The following KLHL10 variants were observed in gnomAD, a reference collection of about 807,000 sequenced individuals.
The protein encoded by KLHL10 is kelch-like protein 10.
A neutral mutation model predicts 46.6 loss-of-function variants in KLHL10; 11 were observed. The observed-to-expected ratio is 0.24, with a 90% CI of 0.15 to 0.39. KLHL10 has a LOEUF of 0.39. KLHL10 is among the 10% of genes least tolerant of loss of function. KLHL10 has a pLI of 1.00. For missense variants in KLHL10, 475 were observed against 789.8 expected, an observed-to-expected ratio of 0.60 and a Z score of 4.78; for synonymous variants, 254 against 279.1, an observed-to-expected ratio of 0.91 and a Z score of 0.90.
Position 41,838,139 on chromosome 17 carries a change from TG to T in KLHL10, c.194+14del. On this transcript the variant is annotated intron_variant, in intron 1 of 4. Transcript: ENST00000293303. Reference sequence around the variant, plus strand: ...GTTCCTACTTTAGGTATAACAGGGTTGCCAAATTCAGCCAAAGGGGTAATTG... The same window carrying T: ...GTTCCTACTTTAGGTATAACAGGGTTCCAAATTCAGCCAAAGGGGTAATTG... The T allele has an allele frequency of 6.2e-7, 1 of 1,611,902 alleles. No homozygotes were observed. Among genetic ancestry groups the T allele is most frequent in the Non-Finnish European group, 8.5e-7 (1 of 1,177,990 alleles).
upstream of KLHL10, chr17:41,836,215 G>T (rs1402632392): frequency 8.1e-7 from 1 of 1,240,988 alleles, no homozygotes; most frequent in Admixed American, 4.2e-5. Flanking sequence ...CCTGGTCGGC[G>T]GCTCGCGGGA....
upstream of KLHL10, chr17:41,835,877 G>A (rs1156254686): frequency 4.4e-6 from 7 of 1,608,918 alleles, no homozygotes; most frequent in Non-Finnish European, 5.9e-6. Flanking sequence ...GGTCTCCGCC[G>A]CCCTTGCGGA....
At chr17:41,844,642 T>C (rs1456809800) in intron 2 of KLHL10, among the ~76,000 whole-genome samples, 2 of 146,582 alleles carry the variant, frequency 1.4e-5, no homozygotes, top group Middle Eastern at 3.6e-3. Flanking sequence ...TCTGCCTCCC[T>C]GGCTCAAGCG....
upstream of KLHL10, chr17:41,835,759 T>G: frequency 8.3e-7 from 1 of 1,211,922 alleles, no homozygotes; most frequent in East Asian, 2.5e-5. Context: ...GGCAGAGAGC[T>G]AGGAGGGGTC....
chr17:41,845,521 C>T lies in KLHL10; in HGVS notation c.1080C>T (p.Asp360=), dbSNP rs2048275290. 1.9e-6 allele frequency: 3 copies of T among 1,614,206 alleles called. No homozygotes were observed. The highest frequency in any genetic ancestry group is 2.5e-6 in the Non-Finnish European group (3 of 1,180,032). Reference sequence around the variant, plus strand: ...ATTTCAATAGTGTTAAGCGTTTTGACCCAGTCAAGAAAACTTGGCATCAGG... The same window carrying T: ...ATTTCAATAGTGTTAAGCGTTTTGATCCAGTCAAGAAAACTTGGCATCAGG... ...VDYFNSVKRF[D]PVKKTWHQVA... Residue 360 remains aspartate, a synonymous_variant, in exon 3 of 5, where the codon GAC becomes GAT. Coordinates refer to ENST00000293303, the MANE Select transcript of KLHL10 (RefSeq NM_152467.5).
At position 41,838,150 on chromosome 17, in the gene KLHL10, G is replaced by A. The variant is rs782194558; in HGVS notation, c.194+24G>A. The A allele has an allele frequency of 2.9e-5, 46 of 1,587,776 alleles. No individual in the cohort carries two copies. In the South Asian group the frequency reaches 4.5e-4, roughly 16 times the overall value. The stretch of plus-strand genomic sequence containing the variant: ...AGGTATAACAGGGTTGCCAAATTCA[G>A]CCAAAGGGGTAATTGGGCTCATTTT... On this transcript the variant is annotated intron_variant, in intron 1 of 4. Coordinates refer to ENST00000293303, the MANE Select transcript of KLHL10 (RefSeq NM_152467.5).
upstream of KLHL10, chr17:41,835,890 G>A (rs782291798): frequency 6.2e-6 from 10 of 1,609,172 alleles, no homozygotes; most frequent in South Asian, 5.5e-5. Flanking sequence ...CTTGCGGAGG[G>A]CGCCCACGAT....
At chr17:41,838,808 CCT>C (rs1294037261) in intron 1 of KLHL10, among the ~76,000 whole-genome samples, 1 of 151,736 alleles carries the variant, frequency 6.6e-6, no homozygotes, top group African/African-American at 2.4e-5. Context: ...CCCACCTCAG[CCT>C]CTCAAGTAGC....
intron 1 of KLHL10, among the ~76,000 whole-genome samples, chr17:41,839,905 G>A (rs957151883): frequency 3.3e-5 from 5 of 149,264 alleles, no homozygotes; most frequent in Non-Finnish European, 7.4e-5. Context: ...TTGAAATGGA[G>A]TTTTGTTCTT....
intron 3 of KLHL10, among the ~76,000 whole-genome samples, chr17:41,846,051 A>T (rs560642856): frequency 5.3e-5 from 8 of 151,860 alleles, no homozygotes; most frequent in African/African-American, 9.7e-5. Flanking sequence ...CTCTACTAAA[A>T]ATACAAAAAA....
In KLHL10 at chr17:41,842,270, C is replaced by T. The variant is rs782186513; in HGVS notation, c.642C>T (p.Asp214=). ...CCATTTTAAAGTGGATTTCTCATGA[C>T]CCCCAAAATAGAAAGCAGCACATTT... The part of the protein sequence containing the change: ...FEAILKWISH[D]PQNRKQHISI... The change falls in exon 2 of 5, where the codon GAC becomes GAT. Residue 214 remains aspartate (D), a synonymous_variant. Transcript: ENST00000293303. 3 of 1,614,042 alleles carry T rather than the reference C, an allele frequency of 1.9e-6. No homozygotes were observed. Among genetic ancestry groups the T allele is most frequent in the Admixed American group, 1.7e-5 (1 of 59,996 alleles).
rs200952142 is a variant in KLHL10 at position 41,848,233 on chromosome 17, C to T, written c.1753C>T (p.Arg585Trp). Reference sequence around the variant, plus strand: ...CAATGTTGAGGAATATGCAGCTAGACGGGACAACTTCCCAGGATTAGCACT... The same window carrying T: ...CAATGTTGAGGAATATGCAGCTAGATGGGACAACTTCCCAGGATTAGCACT... ...LANVEEYAAR[R>W]DNFPGLALRD... The change falls in exon 5 of 5, where the codon CGG (arginine) becomes TGG (tryptophan). Residue 585 changes from arginine to tryptophan, a missense_variant. Coordinates refer to ENST00000293303, the MANE Select transcript of KLHL10 (RefSeq NM_152467.5). 8 of 1,613,964 alleles carry T rather than the reference C, an allele frequency of 5.0e-6. No individual in the cohort carries two copies. The highest frequency in any genetic ancestry group is 2.2e-5 in the East Asian group (1 of 44,882).
chr17:41,844,542 A>ATTTTTTTTTT (rs369578859), intron 2 of KLHL10, among the ~76,000 whole-genome samples: 1 of 115,348 alleles, frequency 8.7e-6, no homozygotes, highest in African/African-American at 3.5e-5. Context: ...TGGTTTTTGT[A>ATTTTTTTTTT]TTTTTTTTTT....
rs71373458 is a variant in KLHL10, at chr17:41,841,793, C to T, written c.195-30C>T. The T allele has an allele frequency of 8.6e-3, 13,840 of 1,613,944 alleles. 1,052 individuals carry two copies. In the African/African-American group the frequency reaches 0.16, roughly 19 times the overall value. On this transcript the variant is annotated intron_variant, in intron 1 of 4. Coordinates refer to ENST00000293303, the MANE Select transcript of KLHL10 (RefSeq NM_152467.5). ...TCACCTAACAGGAGAGAAATGTTTC[C>T]GTGGCTGCTAGTTTCTTTCTTTTTT...
chr17:41,843,496 T>C (rs1555620928), intron 2 of KLHL10, among the ~76,000 whole-genome samples: 1 of 148,322 alleles, frequency 6.7e-6, no homozygotes, highest in Admixed American at 6.7e-5. Context: ...AGAGAGAGAC[T>C]TGGTCTCAAA....
chr17:41,836,412 G>A (rs138297497), upstream of KLHL10: 130 of 1,223,688 alleles, frequency 1.1e-4, no homozygotes, highest in East Asian at 1.7e-3. Context: ...TTATTATGAA[G>A]AGCAGGGTGA....
upstream of KLHL10, chr17:41,835,841 C>G (rs565704497): frequency 3.8e-6 from 6 of 1,596,918 alleles, no homozygotes; most frequent in Non-Finnish European, 4.3e-6. Flanking sequence ...GGCCGGCCCC[C>G]GCACGCCCCA....
In KLHL10 at chr17:41,847,381, G is replaced by A. The variant is rs782736217; in HGVS notation, c.1423G>A (p.Val475Met). The change falls in exon 4 of 5, where the codon GTG becomes ATG. Residue 475 changes from valine (V) to methionine (M), a missense_variant. Transcript: ENST00000293303. ...GAGAAGCAGGAGGAGTGGAATAGGC[G>A]TGATTGCTTATGGAGAACATGTATA... is the stretch of plus-strand genomic sequence containing the variant. The part of the protein sequence containing the change: ...PMRSRRSGIG[V>M]IAYGEHVYAV... 6 of 1,613,962 alleles carry A rather than the reference G, an allele frequency of 3.7e-6. No homozygotes were observed. The highest frequency in any genetic ancestry group is 1.3e-5 in the African/African-American group (1 of 74,880).
intron 2 of KLHL10, among the ~76,000 whole-genome samples, 178 bp downstream of exon 2, chr17:41,842,490 T>C (rs1555620858): frequency 6.6e-6 from 1 of 152,216 alleles, no homozygotes; most frequent in Non-Finnish European, 1.5e-5. Flanking sequence ...ACCTAAGTTA[T>C]ATTCTTTGAC....
Sources: allele counts gnomAD v4.1 joint callset (sites outside exome capture counted in the v4.1 genomes callset), GRCh38; gene constraint gnomAD v4.1.1; transcripts MANE v1.5; gene names NCBI Gene and HGNC (gene_info 2026-07-23, HGNC 2026-07-21).